AGO2: variants seen among roughly 807,000 people sequenced by gnomAD.
The protein encoded by AGO2 is protein argonaute-2.
In AGO2, 5 loss-of-function variants were observed where a neutral mutation model predicts 102.3. The ratio of observed to expected loss-of-function variants is 0.05; its 90% CI spans 0.03 to 0.10. The LOEUF (loss-of-function observed/expected upper bound fraction) is 0.10. AGO2 is among the 10% of genes least tolerant of loss of function. AGO2 has a pLI of 1.00. For synonymous variants in AGO2, 449 were observed against 473.1 expected (o/e 0.95, Z 0.66); for missense variants, 541 against 1,183.7 (o/e 0.46, Z 7.97).
chr8:140,623,785 C>T (rs1446711866), intron 1 of AGO2, among the ~76,000 whole-genome samples: 2 of 152,194 alleles, frequency 1.3e-5, no homozygotes, highest in Admixed American at 6.5e-5. Flanking sequence ...CACTTGCCAC[C>T]GAGCCACAAA....
At chr8:140,549,408 C>G (rs868583315) in intron 11 of AGO2, 110 bp from the exon 12 acceptor site, 1 of 1,100,958 alleles carries the variant, frequency 9.1e-7, no homozygotes, top group Middle Eastern at 2.3e-4. Flanking sequence ...AAAGCACTTT[C>G]ATTGAGGTCA....
At chr8:140,614,681 A>G (rs1194074354) in intron 1 of AGO2, among the ~76,000 whole-genome samples, 1 of 152,176 alleles carries the variant, frequency 6.6e-6, no homozygotes, top group East Asian at 1.9e-4. Flanking sequence ...TAGAACCTGG[A>G]GGCACCACCA....
chr8:140,531,526 TTGGG>T lies in AGO2; in HGVS notation c.*514_*517del, dbSNP rs2072594606. On this transcript the variant is annotated 3_prime_UTR_variant, in exon 19 of 19. Coordinates refer to ENST00000220592, the MANE Select transcript of AGO2 (RefSeq NM_012154.5). ...GGCCACCGGCCCTCAGTCGAGGAAC[TTGGG>T]TGAGCCACGCCAGGGGCACACGAGC... 1 of 155,144 alleles carries T rather than the reference TTGGG, an allele frequency of 6.4e-6. No individual in the cohort carries two copies. The highest frequency in any genetic ancestry group is 2.4e-5 in the African/African-American group (1 of 41,460). The allele number at this position is 155,144 out of a possible 1,614,324, so 9.6% of individuals were successfully genotyped here.
chr8:140,580,932 G>A lies in AGO2; in HGVS notation c.215+4187C>T, dbSNP rs570336688. Among the ~76,000 whole-genome samples, 85 of 152,352 alleles carry A rather than the reference G, an allele frequency of 5.6e-4. 1 individual carries two copies. Among genetic ancestry groups the A allele is most frequent in the African/African-American group, 2.0e-3 (83 of 41,586 alleles). ...ACTGCGTGACCTGAGCCTGGCAGGC[G>A]AAACCACAGGAGTGTAGTAGCACAG... On this transcript the variant is annotated intron_variant, in intron 2 of 18. Coordinates refer to ENST00000220592, the MANE Select transcript of AGO2 (RefSeq NM_012154.5).
chr8:140,532,901 G>A (rs180681333), intron 17 of AGO2, among the ~76,000 whole-genome samples: 1 of 151,950 alleles, frequency 6.6e-6, no homozygotes, highest in East Asian at 1.9e-4. Context: ...GGGAGACTGA[G>A]GCAGGAGAAT....
chr8:140,565,858 T>C (rs1029010483), intron 3 of AGO2, among the ~76,000 whole-genome samples: 1 of 151,868 alleles, frequency 6.6e-6, no homozygotes, highest in Admixed American at 6.6e-5. Flanking sequence ...GGTGGGAGGA[T>C]GGTTTGAGTC....
intron 1 of AGO2, chr8:140,626,924 T>C (rs1333340027): frequency 1.3e-5 from 2 of 152,274 alleles, no homozygotes. Flanking sequence ...AGGGCCTCCC[T>C]GGGCTTCTCA....
rs1417084460 is a variant in AGO2 at position 140,589,203 on chromosome 8, G to C, written c.23-3892C>G. 6.6e-6 allele frequency among the ~76,000 whole-genome samples: 1 copy of C among 152,234 alleles called. No homozygotes were observed. Among genetic ancestry groups the C allele is most frequent in the African/African-American group, 2.4e-5 (1 of 41,454 alleles). On this transcript the variant is annotated intron_variant, in intron 1 of 18. Transcript: ENST00000220592. This position sits in a 1 kb window ranked among gnomAD's most constrained non-coding sequence, Gnocchi z 4.2. ...CCATCTAAGTAAGGGACAGGGATGG[G>C]GGAAAGTTGGTGCATGAAGAATAAA...
rs1438248716 is a variant in AGO2 at position 140,540,325 on chromosome 8, C to G, written c.2034+839G>C. On this transcript the variant is annotated intron_variant, in intron 15 of 18. Transcript: ENST00000220592. This position sits in a 1 kb window ranked among gnomAD's most constrained non-coding sequence, Gnocchi z 5.0. ...GGGAGTTCCTAAGCTCCTGGGGCAG[C>G]CACGGAGGATGTCTTCCCACCCCAC... Among the ~76,000 whole-genome samples, 1 of 152,142 alleles carries G rather than the reference C, an allele frequency of 6.6e-6. No homozygotes were observed. Among genetic ancestry groups the G allele is most frequent in the Non-Finnish European group, 1.5e-5 (1 of 68,018 alleles).
intron 1 of AGO2, chr8:140,592,271 C>T (rs575584010): frequency 2.2e-4 from 33 of 152,376 alleles, no homozygotes; most frequent in African/African-American, 6.7e-4. Context: ...CAGACCCGCA[C>T]GCTGGTCCAG....
intron 6 of AGO2, among the ~76,000 whole-genome samples, chr8:140,559,191 G>C (rs1404710490): frequency 6.6e-6 from 1 of 152,126 alleles, no homozygotes; most frequent in Non-Finnish European, 1.5e-5. Flanking sequence ...CACCCCATGG[G>C]GTTGTATTTA....
chr8:140,595,816 T>C (rs61290351), intron 1 of AGO2, among the ~76,000 whole-genome samples: 2 of 9,442 alleles, frequency 2.1e-4, no homozygotes, highest in Admixed American at 1.8e-3. Context: ...ATTGTATATA[T>C]TATATTTATA....
intron 1 of AGO2, among the ~76,000 whole-genome samples, chr8:140,597,875 C>T (rs1385208353): frequency 6.6e-6 from 1 of 152,230 alleles, no homozygotes; most frequent in Non-Finnish European, 1.5e-5. Flanking sequence ...GCCTGTTCCA[C>T]TCATCACCGG....
intron 10 of AGO2, 43 bp downstream of exon 10, chr8:140,555,853 G>A (rs533535513): frequency 1.3e-6 from 2 of 1,595,554 alleles, no homozygotes; most frequent in East Asian, 2.3e-5. Context: ...GCAGGGCAGA[G>A]ACATGCCCCG....
intron 1 of AGO2, among the ~76,000 whole-genome samples, chr8:140,595,950 A>ATATATAT (rs1256394369): frequency 8.9e-4 from 6 of 6,756 alleles, no homozygotes; most frequent in South Asian, 4.3e-3. Flanking sequence ...TATATATTTT[A>ATATATAT]TATATAATAT....
In AGO2 at chr8:140,540,588, GAA is replaced by G. The variant is rs1457576972; in HGVS notation, c.2034+574_2034+575del. On this transcript the variant is annotated intron_variant, in intron 15 of 18. Transcript: ENST00000220592. This position sits in a 1 kb window ranked among gnomAD's most constrained non-coding sequence, Gnocchi z 5.0. ...TGTGCTCTCAACCAAAGACAGCAAC[GAA>G]ACTCCCCTCACCCCTCTGTGATGGC... Among the ~76,000 whole-genome samples the G allele has an allele frequency of 6.6e-6, 1 of 152,128 alleles. No homozygotes were observed. Among genetic ancestry groups the G allele is most frequent in the Non-Finnish European group, 1.5e-5 (1 of 68,010 alleles).
intron 2 of AGO2, among the ~76,000 whole-genome samples, chr8:140,580,605 G>C (rs1265850895): frequency 1.3e-5 from 2 of 152,194 alleles, no homozygotes; most frequent in Non-Finnish European, 2.9e-5. Flanking sequence ...CTGGGGACAG[G>C]AGCCATGTCT....
In AGO2 at chr8:140,520,644, A is replaced by G. The variant is rs2072401502; in HGVS notation, c.*11400T>C. 6.6e-6 allele frequency: 1 copy of G among 151,936 alleles called. No individual in the cohort carries two copies. The highest frequency in any genetic ancestry group is 2.1e-4 in the South Asian group (1 of 4,824). 9.4% of individuals were successfully genotyped at this position (151,936 alleles called of 1,614,324 possible). Reference sequence around the variant, plus strand: ...GCTCGGGCTGCCTGATTTCAGCAACACATTTAGGATCATGCTACTTCCTCA... The same window carrying G: ...GCTCGGGCTGCCTGATTTCAGCAACGCATTTAGGATCATGCTACTTCCTCA... On this transcript the variant is annotated 3_prime_UTR_variant, in exon 19 of 19. Coordinates refer to ENST00000220592, the MANE Select transcript of AGO2 (RefSeq NM_012154.5).
chr8:140,556,458 C>A (rs2977485), intron 8 of AGO2, among the ~76,000 whole-genome samples, 172 bp from the exon 9 acceptor site: 1 of 151,970 alleles, frequency 6.6e-6, no homozygotes, highest in Non-Finnish European at 1.5e-5. Context: ...CACGGCCTTC[C>A]GCTTCACAAC....
Sources: gnomAD v4.1 joint callset for allele counts (sites outside exome capture counted in the v4.1 genomes callset) on GRCh38, gnomAD v4.1.1 for gene constraint, Gnocchi (gnomAD v3.1) non-coding constraint, MANE v1.5 for transcripts, NCBI Gene and HGNC (gene_info 2026-07-23, HGNC 2026-07-21) for gene names.